Variants in IQANK1 observed in about 807,000 individuals in gnomAD.
IQANK1 encodes the protein IQ motif and ankyrin repeat containing 1.
In IQANK1, 30 loss-of-function variants were observed where a neutral mutation model predicts 22.6. That is an observed-to-expected ratio of 1.33 (90% CI 0.99 to 1.80). The LOEUF (loss-of-function observed/expected upper bound fraction) is 1.80, where lower values mean the gene tolerates loss of function less well. Ranked by LOEUF, IQANK1 falls within the 40% of genes most tolerant of loss-of-function variation. The pLI is 0.00. For missense variants in IQANK1, 275 were observed against 235.2 expected (o/e 1.17, Z -1.11); for synonymous variants, 122 against 99.6 (o/e 1.23, Z -1.34).
At chr8:143,784,893 G>GT (rs1254663832) in intron 7 of IQANK1, among the ~76,000 whole-genome samples, 2 of 151,412 alleles carry the variant, frequency 1.3e-5, no homozygotes, top group South Asian at 2.1e-4. Context: ...ACTTACCACA[G>GT]TTTTTTTACC....
In IQANK1 at chr8:143,790,155, C is replaced by T. The variant is rs1554632071; in HGVS notation, c.1308C>T (p.Asp436=). 34 of 1,231,806 alleles carry T rather than the reference C, an allele frequency of 2.8e-5. No individual in the cohort carries two copies. Among genetic ancestry groups the T allele is most frequent in the Non-Finnish European group, 3.3e-5 (33 of 987,892 alleles). 76.3% of individuals were successfully genotyped at this position (1,231,806 alleles called of 1,614,324 possible). ...TCCCCAGGTGGCCTCTTGTTATTGA[C>T]CCTTTGGGCCAGGCGGCCACCTTCC... ...RADGRWPLVI[D]PLGQAATFLR... Residue 436 remains aspartate, a synonymous_variant, in exon 13 of 14, where the codon GAC becomes GAT. Transcript: ENST00000527139.
intron 7 of IQANK1, among the ~76,000 whole-genome samples, chr8:143,785,896 T>G (rs550087838): frequency 4.8e-4 from 73 of 151,588 alleles, no homozygotes; most frequent in African/African-American, 1.6e-3. Flanking sequence ...CTGGCTAATT[T>G]TTGTATTTTT....
chr8:143,756,803 TA>T (rs1554628520), intron 3 of IQANK1, among the ~76,000 whole-genome samples: 1 of 139,590 alleles, frequency 7.2e-6, no homozygotes, highest in Non-Finnish European at 1.5e-5. Flanking sequence ...GTGTCTCTAC[TA>T]AAAAAATTAA....
intron 3 of IQANK1, among the ~76,000 whole-genome samples, chr8:143,762,887 G>A (rs1819420148): frequency 6.6e-6 from 1 of 152,104 alleles, no homozygotes; most frequent in South Asian, 2.1e-4. Context: ...TAGTGATGCT[G>A]TGTTTTCTCT....
rs1819592960 is a variant in IQANK1, at chr8:143,772,252, C to T, written c.663+9C>T. 2.3e-5 allele frequency: 9 copies of T among 397,240 alleles called. No homozygotes were observed. The highest frequency in any genetic ancestry group is 4.0e-5 in the Non-Finnish European group (9 of 225,132). 24.6% of individuals were successfully genotyped at this position (397,240 alleles called of 1,614,324 possible). ...CCAGCCCCAACAGCAAGGTGGGCGC[C>T]GTGGGCCGCGGGCCGCCGCGCTGAG... is the stretch of plus-strand genomic sequence containing the variant. On this transcript the variant is annotated intron_variant, in intron 6 of 13. Transcript: ENST00000527139.
chr8:143,787,477 G>A lies in IQANK1; in HGVS notation c.790-1438G>A, dbSNP rs547740957. 5.9e-5 allele frequency among the ~76,000 whole-genome samples: 9 copies of A among 151,788 alleles called. No individual in the cohort carries two copies. In the East Asian group the frequency reaches 7.8e-4, roughly 13 times the overall value. On this transcript the variant is annotated intron_variant, in intron 7 of 13. Coordinates refer to ENST00000527139, the MANE Select transcript of IQANK1 (RefSeq NM_001381874.1). ...GTAGACAAATGCTTAAGTCAGCACC[G>A]ACTCAGCCAGGATGGCAGTTACCCA...
At chr8:143,779,810 G>A (rs1819759873) in intron 7 of IQANK1, among the ~76,000 whole-genome samples, 2 of 152,154 alleles carry the variant, frequency 1.3e-5, no homozygotes, top group Non-Finnish European at 2.9e-5. Flanking sequence ...ACAATTCCTG[G>A]TGCAAAGTCA....
chr8:143,739,040 G>A (rs1226743143), intron 2 of IQANK1, among the ~76,000 whole-genome samples: 2 of 152,220 alleles, frequency 1.3e-5, no homozygotes, highest in African/African-American at 2.4e-5. Flanking sequence ...GTGAACTGAT[G>A]TGGGGCCCCG....
In IQANK1 at chr8:143,748,830, T is replaced by TTCATATATAAATATATAAATATATA. The variant is rs1819104459; in HGVS notation, c.175+8884_175+8908dup. 5.5e-4 allele frequency among the ~76,000 whole-genome samples: 46 copies of TTCATATATAAATATATAAATATATA among 84,004 alleles called. 1 individual carries two copies. The highest frequency in any genetic ancestry group is 3.8e-4 in the Non-Finnish European group (18 of 47,954). The allele number at this position is 84,004 out of a possible 152,430, so 55.1% of individuals were successfully genotyped here. A position where few individuals can be genotyped will look rare whatever the true frequency, so the allele number is the denominator to read the frequency against. ...ATCATATAAATATATAAATATATAT[T>TTCATATATAAATATATAAATATATA]TCATATATAAATATATAAATATATA... On this transcript the variant is annotated intron_variant, in intron 3 of 13. Transcript: ENST00000527139.
chr8:143,781,315 C>T (rs1819794623), intron 7 of IQANK1, among the ~76,000 whole-genome samples: 1 of 152,146 alleles, frequency 6.6e-6, no homozygotes, highest in Non-Finnish European at 1.5e-5. Context: ...TGCAGAAGCT[C>T]TCATGTTTAA....
intron 3 of IQANK1, among the ~76,000 whole-genome samples, chr8:143,756,114 GTCCACCCACA>G (rs782136184): frequency 2.6e-5 from 4 of 152,164 alleles, no homozygotes; most frequent in African/African-American, 4.8e-5. Context: ...ATTCTGTGCT[GTCCACCCACA>G]TCCTCTTTCC....
At chr8:143,787,515 G>A (rs182181705) in intron 7 of IQANK1, among the ~76,000 whole-genome samples, 229 of 152,208 alleles carry the variant, frequency 1.5e-3, no homozygotes, top group Non-Finnish European at 1.5e-3. Context: ...GCCACGCCGC[G>A]CCACTGCTTC....
At position 143,774,304 on chromosome 8, in the gene IQANK1, G is replaced by A. The variant is rs532355716; in HGVS notation, c.789+1822G>A. Among the ~76,000 whole-genome samples the A allele has an allele frequency of 6.6e-6, 1 of 152,274 alleles. No homozygotes were observed. The highest frequency in any genetic ancestry group is 2.1e-4 in the South Asian group (1 of 4,824). ...GCAAACGTTTGTGAACCACGCATCT[G>A]GCAAGGCACGTGTACCTAGAACATA... is the stretch of plus-strand genomic sequence containing the variant. On this transcript the variant is annotated intron_variant, in intron 7 of 13. Transcript: ENST00000527139. The surrounding 1 kb of genome is among the most constrained non-coding windows in gnomAD (Gnocchi z 4.2).
rs539696370 is a variant in IQANK1 at position 143,788,345 on chromosome 8, C to T, written c.790-570C>T. Among the ~76,000 whole-genome samples the T allele has an allele frequency of 4.6e-5, 7 of 152,352 alleles. No homozygotes were observed. The East Asian group carries it at 1.4e-3, about 29-fold the overall frequency. ...CTCCACAGACAAGGAGGGCCAGGCA[C>T]AGGAAGTCAGGGACTCACCCGGCGC... On this transcript the variant is annotated intron_variant, in intron 7 of 13. Transcript: ENST00000527139.
chr8:143,768,711 A>C lies in IQANK1; in HGVS notation c.176-2777A>C, dbSNP rs148199536. Among the ~76,000 whole-genome samples, 1,465 of 152,274 alleles carry C rather than the reference A, an allele frequency of 9.6e-3. 26 individuals are homozygous for C. The highest frequency in any genetic ancestry group is 0.033 in the African/African-American group (1,376 of 41,548). On this transcript the variant is annotated intron_variant, in intron 3 of 13. Coordinates refer to ENST00000527139, the MANE Select transcript of IQANK1 (RefSeq NM_001381874.1). ...TGTGGGCTTAATCCAAGTATATGAT[A>C]GTTTTTTGATGCTAAATATATTAAA... is the stretch of plus-strand genomic sequence containing the variant.
intron 3 of IQANK1, among the ~76,000 whole-genome samples, chr8:143,753,270 T>A (rs1819231131): frequency 6.6e-6 from 1 of 152,078 alleles, no homozygotes; most frequent in Admixed American, 6.6e-5. Flanking sequence ...TGCCTCAGCC[T>A]CCCAAGGTGC....
intron 3 of IQANK1, among the ~76,000 whole-genome samples, chr8:143,749,869 A>G (rs1230596473): frequency 6.6e-6 from 1 of 151,456 alleles, no homozygotes; most frequent in Non-Finnish European, 1.5e-5. Context: ...GGCCTGCTTC[A>G]TATATTTTGA....
intron 7 of IQANK1, among the ~76,000 whole-genome samples, chr8:143,778,172 G>T (rs1180370996): frequency 6.7e-6 from 1 of 149,392 alleles, no homozygotes; most frequent in Non-Finnish European, 1.5e-5. Context: ...TCCAGCCTGG[G>T]TGACAGAGTA....
chr8:143,774,313 C>A lies in IQANK1; in HGVS notation c.789+1831C>A, dbSNP rs1441127709. 1.3e-5 allele frequency among the ~76,000 whole-genome samples: 2 copies of A among 152,070 alleles called. No individual in the cohort carries two copies. The highest frequency in any genetic ancestry group is 2.9e-5 in the Non-Finnish European group (2 of 68,016). On this transcript the variant is annotated intron_variant, in intron 7 of 13. Coordinates refer to ENST00000527139, the MANE Select transcript of IQANK1 (RefSeq NM_001381874.1). This position sits in a 1 kb window ranked among gnomAD's most constrained non-coding sequence, Gnocchi z 4.2. ...TGTGAACCACGCATCTGGCAAGGCA[C>A]GTGTACCTAGAACATAGAAAAAACT... is the stretch of plus-strand genomic sequence containing the variant.
Sources: allele counts gnomAD v4.1 joint callset (sites outside exome capture counted in the v4.1 genomes callset), GRCh38; gene constraint gnomAD v4.1.1; non-coding constraint Gnocchi (gnomAD v3.1); transcripts MANE v1.5; gene names NCBI Gene and HGNC (gene_info 2026-07-23, HGNC 2026-07-21).